ZNF280D: variants seen among roughly 807,000 people sequenced by gnomAD.
ZNF280D encodes the protein zinc finger protein 280D.
ZNF280D carries 39 observed loss-of-function variants against 94.7 expected under a neutral mutation model. The observed-to-expected ratio is 0.41, with a 90% CI of 0.32 to 0.54. The LOEUF is 0.54. Ranked by LOEUF, ZNF280D falls within the 20% of genes least tolerant of loss-of-function variation. The pLI is 0.22. For synonymous variants in ZNF280D, 398 were observed against 377.6 expected, an observed-to-expected ratio of 1.05 and a Z score of -0.63; for missense variants, 1,090 against 1,149.3, an observed-to-expected ratio of 0.95 and a Z score of 0.75.
chr15:56,725,407 C>T (rs1444950230), intron 1 of ZNF280D, among the ~76,000 whole-genome samples: 2 of 152,006 alleles, frequency 1.3e-5, no homozygotes, highest in Admixed American at 6.6e-5. Context: ...GAAAGCAGCA[C>T]ATATTAATAT....
At chr15:56,711,059 T>C (rs142967428) in intron 1 of ZNF280D, among the ~76,000 whole-genome samples, 174 of 152,328 alleles carry the variant, frequency 1.1e-3, no homozygotes, top group Middle Eastern at 3.4e-3. Context: ...CAAAATCTAT[T>C]GTATACTTTA....
chr15:56,631,363 A>G lies in ZNF280D; in HGVS notation c.*135T>C, dbSNP rs1566920414. On this transcript the variant is annotated 3_prime_UTR_variant, in exon 22 of 22. Transcript: ENST00000267807. ...ATTTGTTTGATAACATAGGTTGAAC[A>G]TACAGGTAAAGTGTATGTGTGACCT... 15 of 878,962 alleles carry G rather than the reference A, an allele frequency of 1.7e-5. No individual in the cohort carries two copies. The highest frequency in any genetic ancestry group is 2.3e-4 in the Middle Eastern group (1 of 4,380). The allele number at this position is 878,962 out of a possible 1,614,324, so 54.4% of individuals were successfully genotyped here. A position where few individuals can be genotyped will look rare whatever the true frequency, so the allele number is the denominator to read the frequency against.
intron 17 of ZNF280D, among the ~76,000 whole-genome samples, chr15:56,656,329 C>T (rs11630168): frequency 0.38 from 57,048 of 151,938 alleles, 10,826 homozygotes; most frequent in Middle Eastern, 0.52. Flanking sequence ...AAGCTCTATT[C>T]ACAGAAATTG....
In ZNF280D at chr15:56,631,318, A is replaced by C. The variant is rs2052059466; in HGVS notation, c.*180T>G. The C allele has an allele frequency of 1.6e-6, 1 of 612,096 alleles. No homozygotes were observed. The highest frequency in any genetic ancestry group is 2.7e-6 in the Non-Finnish European group (1 of 364,914). The allele number at this position is 612,096 out of a possible 1,614,324, so 37.9% of individuals were successfully genotyped here. On this transcript the variant is annotated 3_prime_UTR_variant, in exon 22 of 22. Coordinates refer to ENST00000267807, the MANE Select transcript of ZNF280D (RefSeq NM_017661.4). ...AACTTTTTGGGAATCCCTACTAATC[A>C]TGCTATTATTGGTGAATTGATTTGT...
chr15:56,635,264 T>G lies in ZNF280D; in HGVS notation c.2260-14A>C. ...TCTTGCAATTTCCTGAAATAATTAATAATACTTTTCTTTTACATTCACAGT... is the reference window on the plus strand; with the variant it reads ...TCTTGCAATTTCCTGAAATAATTAAGAATACTTTTCTTTTACATTCACAGT... On this transcript the variant is annotated splice_polypyrimidine_tract_variant and intron_variant, in intron 20 of 21. Transcript: ENST00000267807. 6.8e-7 allele frequency: 1 copy of G among 1,460,728 alleles called. No homozygotes were observed. The highest frequency in any genetic ancestry group is 9.2e-7 in the Non-Finnish European group (1 of 1,090,278). The allele number at this position is 1,460,728 out of a possible 1,614,324, so 90.5% of individuals were successfully genotyped here.
In ZNF280D at chr15:56,653,849, A is replaced by G. The variant is rs2053359716; in HGVS notation, c.2213+349T>C. 6.5e-6 allele frequency: 8 copies of G among 1,236,998 alleles called. No individual in the cohort carries two copies. The East Asian group carries it at 2.5e-4, about 38-fold the overall frequency. 76.6% of individuals were successfully genotyped at this position (1,236,998 alleles called of 1,614,324 possible). On this transcript the variant is annotated intron_variant, in intron 19 of 21. Transcript: ENST00000267807. Reference sequence around the variant, plus strand: ...CAGCGCAAACTGGAGAAAAAAAAATATGTTAAGATATGTCAACCTGACACA... The same window carrying G: ...CAGCGCAAACTGGAGAAAAAAAAATGTGTTAAGATATGTCAACCTGACACA...
At chr15:56,672,737 C>T (rs2054956391) in intron 13 of ZNF280D, among the ~76,000 whole-genome samples, 1 of 151,926 alleles carries the variant, frequency 6.6e-6, no homozygotes, top group Admixed American at 6.6e-5. Flanking sequence ...AAGGAAGTAC[C>T]TAGCACAGTT....
intron 3 of ZNF280D, 46 bp from the exon 4 acceptor site, chr15:56,704,313 A>G: frequency 6.5e-7 from 1 of 1,534,432 alleles, no homozygotes; most frequent in Non-Finnish European, 8.8e-7. Context: ...TGAAAATAAA[A>G]ATAAAAACAT....
chr15:56,682,628 G>C (rs1370514495), intron 9 of ZNF280D, 151 bp from the exon 10 acceptor site: 7 of 523,256 alleles, frequency 1.3e-5, no homozygotes, highest in South Asian at 1.0e-4. Flanking sequence ...AAAATTTGTG[G>C]TGCATGTACA....
At chr15:56,647,155 T>C (rs2052938424) in intron 19 of ZNF280D, among the ~76,000 whole-genome samples, 1 of 152,194 alleles carries the variant, frequency 6.6e-6, no homozygotes, top group Non-Finnish European at 1.5e-5. Flanking sequence ...AGGTCTGTAT[T>C]GGTAGAAGAC....
rs2055665627 is a variant in ZNF280D, at chr15:56,682,183, A to T, written c.1004+71T>A. The T allele has an allele frequency of 5.1e-6, 6 of 1,174,130 alleles. No individual in the cohort carries two copies. The East Asian group carries it at 1.6e-4, about 31-fold the overall frequency. 72.7% of individuals were successfully genotyped at this position (1,174,130 alleles called of 1,614,324 possible). ...TACCTAGAATGGCATAGAAAACACA[A>T]AATAAAAGTATAACATTTTTATTTG... On this transcript the variant is annotated intron_variant, in intron 10 of 21. Transcript: ENST00000267807.
chr15:56,733,283 CG>C (rs1382736896), intron 1 of ZNF280D, among the ~76,000 whole-genome samples, 174 bp downstream of exon 1: 3 of 151,994 alleles, frequency 2.0e-5, no homozygotes, highest in African/African-American at 4.8e-5. Context: ...CGCAAGATGG[CG>C]GTCCGGCCGC....
intron 17 of ZNF280D, among the ~76,000 whole-genome samples, chr15:56,656,117 G>A (rs2053536019): frequency 6.6e-6 from 1 of 152,072 alleles, no homozygotes; most frequent in Admixed American, 6.6e-5. Context: ...AGTTATTTAT[G>A]TTCACACCTT....
At chr15:56,644,889 A>G (rs1315047768) in intron 19 of ZNF280D, among the ~76,000 whole-genome samples, 7 of 152,194 alleles carry the variant, frequency 4.6e-5, no homozygotes, top group Non-Finnish European at 1.0e-4. Context: ...TAAGAGGCCT[A>G]TGATTTCAAT....
chr15:56,663,312 G>T (rs1596396947), intron 16 of ZNF280D, among the ~76,000 whole-genome samples: 2 of 143,808 alleles, frequency 1.4e-5, no homozygotes, highest in South Asian at 2.2e-4. Flanking sequence ...AAAAAAGAAA[G>T]AAAATTAATA....
intron 20 of ZNF280D, among the ~76,000 whole-genome samples, chr15:56,636,139 T>C (rs1454246270): frequency 6.6e-6 from 1 of 152,128 alleles, no homozygotes; most frequent in Non-Finnish European, 1.5e-5. Flanking sequence ...AAATAAAATA[T>C]TTTTACTCAT....
chr15:56,687,789 G>A (rs961235693), intron 9 of ZNF280D, among the ~76,000 whole-genome samples: 4 of 152,114 alleles, frequency 2.6e-5, no homozygotes, highest in Admixed American at 1.3e-4. Context: ...AACACAACGT[G>A]CAGTTATCCA....
chr15:56,675,217 CAT>C (rs2055136572), intron 13 of ZNF280D, among the ~76,000 whole-genome samples: 1 of 152,094 alleles, frequency 6.6e-6, no homozygotes, highest in East Asian at 1.9e-4. Context: ...AAATCTCTAC[CAT>C]AGTTACTATT....
intron 1 of ZNF280D, among the ~76,000 whole-genome samples, chr15:56,719,454 T>C (rs1298012687): frequency 6.6e-6 from 1 of 152,016 alleles, no homozygotes; most frequent in East Asian, 1.9e-4. Context: ...CTGCCATGAG[T>C]GGATGCAGCC....
Sources: allele counts gnomAD v4.1 joint callset (sites outside exome capture counted in the v4.1 genomes callset), GRCh38; gene constraint gnomAD v4.1.1; transcripts MANE v1.5; gene names NCBI Gene and HGNC (gene_info 2026-07-23, HGNC 2026-07-21).